The following DNAH8 variants were observed in gnomAD, a reference collection of about 807,000 sequenced individuals.
DNAH8 encodes axonemal beta dynein heavy chain 8.
DNAH8 carries 382 observed loss-of-function variants against 562.1 expected under a neutral mutation model. The ratio of observed to expected loss-of-function variants is 0.68; its 90% CI spans 0.63 to 0.74. DNAH8 has a LOEUF of 0.74. Among genes scored for constraint, DNAH8 ranks in the 30% least tolerant of loss-of-function variants. DNAH8 has a pLI of 0.00. For synonymous variants in DNAH8, 1,881 were observed against 1,919.4 expected, an observed-to-expected ratio of 0.98 and a Z score of 0.52; for missense variants, 5,203 against 5,620.4, an observed-to-expected ratio of 0.93 and a Z score of 2.37.
chr6:38,868,642 T>C (rs1777242163), intron 48 of DNAH8, among the ~76,000 whole-genome samples: 1 of 152,154 alleles, frequency 6.6e-6, no homozygotes, highest in Non-Finnish European at 1.5e-5. Context: ...GTGGAGAGCA[T>C]GCTGCTTTCA....
In DNAH8 at chr6:38,899,792, G is replaced by A. The variant is rs771436783; in HGVS notation, c.9080G>A (p.Arg3027Gln). The A allele has an allele frequency of 4.3e-6, 7 of 1,613,302 alleles. No homozygotes were observed. Among genetic ancestry groups the A allele is most frequent in the Admixed American group, 3.3e-5 (2 of 59,954 alleles). The change falls in exon 62 of 93, where the codon CGA (arginine) becomes CAA (glutamine). Residue 3027 changes from arginine (R) to glutamine (Q), a missense_variant. Arg to Gln is a conservative substitution (Grantham distance 43). Transcript: ENST00000327475. ...THLIKISRII[R>Q]TSCGNALLVG... is the part of the protein sequence containing the mutation. ...TCAAAACAGATTTCACGAATAATTC[G>A]AACGTCGTGTGGAAATGCATTGCTG...
chr6:38,921,560 A>AGCAT, intron 71 of DNAH8, 54 bp downstream of exon 71: 1 of 1,556,302 alleles, frequency 6.4e-7, no homozygotes, highest in Non-Finnish European at 8.7e-7. Context: ...TTTACACAAG[A>AGCAT]GCATGCTATA....
intron 20 of DNAH8, among the ~76,000 whole-genome samples, chr6:38,791,186 A>T (rs1428051691): frequency 6.6e-6 from 1 of 152,180 alleles, no homozygotes; most frequent in East Asian, 1.9e-4. Context: ...TTGGAGTTAG[A>T]TAAACCTGGG....
chr6:38,860,254 G>A (rs916932969), intron 42 of DNAH8, among the ~76,000 whole-genome samples: 6 of 152,000 alleles, frequency 3.9e-5, no homozygotes, highest in Admixed American at 3.3e-4. Context: ...TTTGCCTTTT[G>A]CCCTTTTCTG....
intron 8 of DNAH8, among the ~76,000 whole-genome samples, chr6:38,747,675 G>A (rs936444739): frequency 3.3e-5 from 5 of 152,024 alleles, no homozygotes; most frequent in Non-Finnish European, 5.9e-5. Flanking sequence ...GTGAGCCACC[G>A]CGCTCAGCCA....
intron 22 of DNAH8, among the ~76,000 whole-genome samples, chr6:38,804,784 AGAGAG>A (rs200437653): frequency 0.15 from 22,397 of 151,596 alleles, 1,783 homozygotes; most frequent in East Asian, 0.3. Context: ...AGAGAGAGAG[AGAGAG>A]AAAGAGAAAA....
intron 82 of DNAH8, among the ~76,000 whole-genome samples, chr6:38,957,507 T>C (rs1762322964): frequency 6.6e-6 from 1 of 151,178 alleles, no homozygotes; most frequent in Admixed American, 6.6e-5. Context: ...GAACATTCCA[T>C]CCAATAGTTG....
At chr6:39,013,103 T>C (rs1174114722) in intron 91 of DNAH8, among the ~76,000 whole-genome samples, 1 of 152,216 alleles carries the variant, frequency 6.6e-6, no homozygotes, top group African/African-American at 2.4e-5. Flanking sequence ...AGTTTTCTAG[T>C]TTTCTTTTTC....
chr6:38,886,717 T>A, intron 56 of DNAH8, 74 bp from the exon 57 acceptor site: 1 of 1,135,604 alleles, frequency 8.8e-7, no homozygotes, highest in Non-Finnish European at 1.3e-6. Context: ...TAATCTCATT[T>A]GTACTATTTT....
intron 83 of DNAH8, among the ~76,000 whole-genome samples, chr6:38,972,291 C>G (rs1763399356): frequency 6.6e-6 from 1 of 152,114 alleles, no homozygotes; most frequent in Admixed American, 6.5e-5. Flanking sequence ...AGCTTTTGAT[C>G]TCAGAATGTC....
chr6:38,945,511 C>T lies in DNAH8; in HGVS notation c.12052C>T (p.Arg4018Cys), dbSNP rs577374411. The change falls in exon 80 of 93, where the codon CGC becomes TGC. Residue 4018 changes from arginine (R) to cysteine (C), a missense_variant. This residue lies in a region of DNAH8 where 1,399 missense variants were observed against 1,518.4 expected (regional missense o/e 0.92). Transcript: ENST00000327475. ...DLKACPPKPYRWILDMTWLNL... is the reference protein window; with the variant it reads ...DLKACPPKPYCWILDMTWLNL... ...GAAAGCCTGTCCTCCCAAACCCTAT[C>T]GCTGGATCCTTGACATGACTTGGCT... The T allele has an allele frequency of 9.3e-5, 150 of 1,614,166 alleles. No individual in the cohort carries two copies. Among genetic ancestry groups the T allele is most frequent in the Middle Eastern group, 3.3e-4 (2 of 6,060 alleles).
At chr6:38,767,384 C>T (rs1439273518) in intron 11 of DNAH8, among the ~76,000 whole-genome samples, 1 of 151,792 alleles carries the variant, frequency 6.6e-6, no homozygotes, top group East Asian at 1.9e-4. Context: ...TTGCAGTGAG[C>T]CGAGATGGCA....
chr6:38,715,921 AATAAATATATATATATATAT>A (rs1241619074), intron 1 of DNAH8, among the ~76,000 whole-genome samples: 2 of 43,430 alleles, frequency 4.6e-5, no homozygotes, highest in South Asian at 8.0e-4. Context: ...TAAATAAATA[AATAAATATATATATATATAT>A]ATATATATAT....
Position 38,822,943 on chromosome 6 carries a change from T to C in DNAH8, c.3629T>C (p.Val1210Ala), listed in dbSNP as rs1394617846. 1 of 1,613,806 alleles carries C rather than the reference T, an allele frequency of 6.2e-7. No homozygotes were observed. ...TTGGTCCTGCTCCTTTCTTCCTCTG[T>C]AAATTCCCTAAGAAAGGCAGCTCAT... ...SKLVLLLSSS[V>A]NSLRKAAHEA... Residue 1210 changes from valine (V) to alanine (A), a missense_variant, in exon 27 of 93, where the codon GTA becomes GCA. Val to Ala is a moderately conservative substitution (Grantham distance 64). This residue lies in a region of DNAH8 where 2,176 missense variants were observed against 2,365.1 expected (regional missense o/e 0.92). Coordinates refer to ENST00000327475, the MANE Select transcript of DNAH8 (RefSeq NM_001206927.2).
At position 38,935,695 on chromosome 6, in the gene DNAH8, A is replaced by C; in HGVS notation, c.11561A>C (p.Lys3854Thr). The C allele has an allele frequency of 6.3e-7, 1 of 1,597,368 alleles. No homozygotes were observed. ...CTCCTCTATAAATTAAGTGCTACAA[A>C]AGGTATTGTGTTATTAAGAAGTAAT... The part of the protein sequence containing the change: ...DNLLYKLSAT[K>T]GSLVDDESLI... The change falls in exon 77 of 93, where the codon AAA (lysine) becomes ACA (threonine). Residue 3854 changes from lysine to threonine, a missense_variant and splice_region_variant. Around this residue, in one of 6 missense-constraint regions of DNAH8, gnomAD observed 1,399 missense variants for 1,518.4 expected, o/e 0.92. Transcript: ENST00000327475.
At chr6:38,809,747 C>A (rs1328455291) in intron 24 of DNAH8, among the ~76,000 whole-genome samples, 1 of 152,148 alleles carries the variant, frequency 6.6e-6, no homozygotes, top group Non-Finnish European at 1.5e-5. Flanking sequence ...CTGTTCAATT[C>A]TCCCAGTGTG....
rs779631693 is a variant in DNAH8 at position 38,864,058 on chromosome 6, A to C, written c.6496A>C (p.Met2166Leu). The C allele has an allele frequency of 1.9e-6, 3 of 1,603,750 alleles. No individual in the cohort carries two copies. The highest frequency in any genetic ancestry group is 1.1e-5 in the South Asian group (1 of 87,986). The part of the protein sequence containing the change: ...LNPEFGIFLT[M>L]NPGYAGRQEL... Reference sequence around the variant, plus strand: ...TCCAGAATTTGGAATCTTCTTAACGATGGTGAGAAAAAAGGCTTTAAATGC... The same window carrying C: ...TCCAGAATTTGGAATCTTCTTAACGCTGGTGAGAAAAAAGGCTTTAAATGC... The change falls in exon 45 of 93, where the codon ATG (methionine) becomes CTG (leucine). Residue 2166 changes from methionine to leucine, a missense_variant and splice_region_variant. By Grantham distance (15) the Met-to-Leu change is conservative. This residue lies in a region of DNAH8 where 2,176 missense variants were observed against 2,365.1 expected (regional missense o/e 0.92). Transcript: ENST00000327475.
Position 38,862,305 on chromosome 6 carries a change from T to C in DNAH8, c.6157T>C (p.Leu2053=), listed in dbSNP as rs981429028. 9.3e-6 allele frequency: 15 copies of C among 1,613,870 alleles called. No individual in the cohort carries two copies. Among genetic ancestry groups the C allele is most frequent in the Middle Eastern group, 1.6e-4 (1 of 6,084 alleles). The change falls in exon 44 of 93, where the codon TTG becomes CTG. Residue 2053 remains leucine (L), a synonymous_variant. Coordinates refer to ENST00000327475, the MANE Select transcript of DNAH8 (RefSeq NM_001206927.2). ...DRCYITLAQA[L]GMNMGGAPAG... ...ATGCTATATCACGTTAGCTCAGGCCTTGGGCATGAACATGGGAGGTGCTCC... is the reference window on the plus strand; with the variant it reads ...ATGCTATATCACGTTAGCTCAGGCCCTGGGCATGAACATGGGAGGTGCTCC...
chr6:38,800,084 T>G (rs1210050122), intron 21 of DNAH8, among the ~76,000 whole-genome samples: 1 of 152,162 alleles, frequency 6.6e-6, no homozygotes, highest in African/African-American at 2.4e-5. Flanking sequence ...TCATTTCTTT[T>G]TATTGCTGAA....
Sources: gnomAD v4.1 joint callset for allele counts (sites outside exome capture counted in the v4.1 genomes callset) on GRCh38, gnomAD v4.1.1 for gene constraint, gnomAD v4.1.1 regional missense constraint, MANE v1.5 for transcripts, NCBI Gene and HGNC (gene_info 2026-07-23, HGNC 2026-07-21) for gene names.